The following PHLDB2 variants were observed in gnomAD, a reference collection of about 807,000 sequenced individuals.
PHLDB2 encodes the protein pleckstrin homology-like domain family B member 2.
Under a neutral mutation model 123.6 loss-of-function variants are expected in PHLDB2, and 71 were observed. The ratio of observed to expected loss-of-function variants is 0.57; its 90% confidence interval spans 0.47 to 0.70. The LOEUF is 0.70. PHLDB2 is among the 30% of genes least tolerant of loss of function. The probability of loss-of-function intolerance (pLI) is 0.00; values close to 1 mark genes in which losing one functional copy is unlikely to be tolerated. For synonymous variants in PHLDB2, 547 were observed against 541.6 expected (o/e 1.01, Z -0.14); for missense variants, 1,446 against 1,519.5 (o/e 0.95, Z 0.80).
intron 14 of PHLDB2, 56 bp downstream of exon 14, chr3:111,966,759 C>T (rs1577219720): frequency 1.1e-5 from 16 of 1,411,002 alleles, no homozygotes; most frequent in South Asian, 4.8e-5. Flanking sequence ...AGGAGCCCTG[C>T]GCTTGGCATC....
At chr3:111,935,262 G>A (rs900528427) in intron 6 of PHLDB2, among the ~76,000 whole-genome samples, 16 of 151,620 alleles carry the variant, frequency 1.1e-4, no homozygotes, top group South Asian at 2.1e-4. Flanking sequence ...ACCATGCCTG[G>A]CTCATTTTTC....
At position 111,743,046 on chromosome 3, in the gene PHLDB2, A is replaced by G. The variant is rs558830546; in HGVS notation, c.-49+10343A>G. Among the ~76,000 whole-genome samples the G allele has an allele frequency of 1.5e-4, 23 of 152,338 alleles. 1 individual carries two copies. Among genetic ancestry groups the G allele is most frequent in the African/African-American group, 4.6e-4 (19 of 41,586 alleles). The stretch of plus-strand genomic sequence containing the variant: ...AAAAGTTTCAGACGGGTGCTCCCCA[A>G]CTACCAAAGGAGTTGGGGTCCAAGT... On this transcript the variant is annotated intron_variant, in intron 1 of 17. Transcript: ENST00000393923.
In PHLDB2 at chr3:111,953,957, A is replaced by G; in HGVS notation, c.2800A>G (p.Ser934Gly). 6.2e-7 allele frequency: 1 copy of G among 1,613,662 alleles called. No individual in the cohort carries two copies. The highest frequency in any genetic ancestry group is 1.7e-5 in the Admixed American group (1 of 59,958). ...CCATCTGCCCCTAGGACAGAGTAAC[A>G]GCTGTGGAAGTGTGCTCCCTCCCTC... ...KAHLPLGQSNSCGSVLPPSLA... is the reference protein window; with the variant it reads ...KAHLPLGQSNGCGSVLPPSLA... The change falls in exon 12 of 18, where the codon AGC becomes GGC. Residue 934 changes from serine (S) to glycine (G), a missense_variant. Around this residue, in one of 3 missense-constraint regions of PHLDB2, gnomAD observed 594 missense variants for 646.0 expected, o/e 0.92. Coordinates refer to ENST00000431670, the MANE Select transcript of PHLDB2 (RefSeq NM_001134438.2).
At chr3:111,955,632 T>G (rs1351378202) in intron 12 of PHLDB2, among the ~76,000 whole-genome samples, 2 of 152,090 alleles carry the variant, frequency 1.3e-5, no homozygotes, top group African/African-American at 4.8e-5. Context: ...TTGTATTTTT[T>G]GGCAGAGATG....
rs755416458 is a variant in PHLDB2, at chr3:111,884,874, A to G, written c.797A>G (p.Gln266Arg). Residue 266 changes from glutamine to arginine, a missense_variant, in exon 2 of 18, where the codon CAG becomes CGG. Around this residue, in one of 3 missense-constraint regions of PHLDB2, gnomAD observed 832 missense variants for 831.9 expected, o/e 1.00. Transcript: ENST00000431670. ...LPRLYRATEN[Q>R]LTPLSLPPRN... ...AGGTTGTACAGAGCCACAGAGAACC[A>G]GCTGACACCTCTCAGCTTGCCTCCA... The G allele has an allele frequency of 6.2e-7, 1 of 1,614,210 alleles. No homozygotes were observed. Among genetic ancestry groups the G allele is most frequent in the Non-Finnish European group, 8.5e-7 (1 of 1,180,024 alleles).
chr3:111,920,923 T>G (rs973951858), intron 5 of PHLDB2, among the ~76,000 whole-genome samples: 4 of 152,246 alleles, frequency 2.6e-5, no homozygotes, highest in African/African-American at 9.6e-5. Context: ...TCAATGCAAG[T>G]GCACTGCTTT....
chr3:111,817,063 G>A (rs1473429801), intron 1 of PHLDB2, among the ~76,000 whole-genome samples: 2 of 152,128 alleles, frequency 1.3e-5, no homozygotes, highest in Non-Finnish European at 2.9e-5. Context: ...CCATGATTGT[G>A]AGGCCTCCCC....
intron 16 of PHLDB2, among the ~76,000 whole-genome samples, chr3:111,971,303 G>A (rs1433536317): frequency 1.3e-5 from 2 of 152,028 alleles, no homozygotes; most frequent in Non-Finnish European, 2.9e-5. Flanking sequence ...TGTTCTCTGT[G>A]AGCCTTATTT....
rs1370781683 is a variant in PHLDB2 at position 111,939,499 on chromosome 3, A to G, written c.2155A>G (p.Ser719Gly). 1 of 1,612,800 alleles carries G rather than the reference A, an allele frequency of 6.2e-7. No homozygotes were observed. The highest frequency in any genetic ancestry group is 8.5e-7 in the Non-Finnish European group (1 of 1,179,598). The change falls in exon 7 of 18, where the codon AGC becomes GGC. Residue 719 changes from serine (S) to glycine (G), a missense_variant. Ser to Gly is a moderately conservative substitution (Grantham distance 56, BLOSUM62 0). Transcript: ENST00000431670. ...KRDADLLDVE[S>G]KHFEDLEFQQ... ...GGATGCTGACCTGTTGGATGTTGAAAGCAAACACTTTGAAGACCTGGAGTT... is the reference window on the plus strand; with the variant it reads ...GGATGCTGACCTGTTGGATGTTGAAGGCAAACACTTTGAAGACCTGGAGTT...
chr3:111,953,058 A>C (rs1042027002), intron 11 of PHLDB2, among the ~76,000 whole-genome samples: 1 of 152,226 alleles, frequency 6.6e-6, no homozygotes, highest in African/African-American at 2.4e-5. Context: ...ATATTTATTC[A>C]GACATTTTCA....
chr3:111,819,656 G>T (rs11917956), intron 1 of PHLDB2, among the ~76,000 whole-genome samples: 7,004 of 152,250 alleles, frequency 0.046, 230 homozygotes, highest in Admixed American at 0.083. Context: ...AATATCATGA[G>T]TACATTCTCT....
chr3:111,967,909 CT>C, intron 15 of PHLDB2, 85 bp downstream of exon 15: 1 of 1,212,554 alleles, frequency 8.2e-7, no homozygotes, highest in Non-Finnish European at 1.1e-6. Context: ...TCTGAGGATG[CT>C]TTCCTGGGCA....
chr3:111,882,623 G>A (rs1020089928), intron 1 of PHLDB2, among the ~76,000 whole-genome samples: 1 of 152,190 alleles, frequency 6.6e-6, no homozygotes, highest in African/African-American at 2.4e-5. Flanking sequence ...AGGGCTTTGG[G>A]TTAGAGGAGA....
intron 1 of PHLDB2, among the ~76,000 whole-genome samples, chr3:111,769,607 G>T (rs2060140076): frequency 6.6e-6 from 1 of 152,206 alleles, no homozygotes; most frequent in African/African-American, 2.4e-5. Flanking sequence ...TTCAACCTAA[G>T]GGAAGAGTGA....
chr3:111,741,774 A>G (rs778552424), intron 1 of PHLDB2, among the ~76,000 whole-genome samples: 3 of 152,222 alleles, frequency 2.0e-5, no homozygotes, highest in Non-Finnish European at 4.4e-5. Context: ...AAATTGCCAC[A>G]ACACATTTTA....
chr3:111,897,857 C>G (rs986874696), intron 2 of PHLDB2, among the ~76,000 whole-genome samples: 3 of 152,072 alleles, frequency 2.0e-5, no homozygotes, highest in African/African-American at 7.2e-5. Context: ...GGGTTTGGTT[C>G]CAGACCACCG....
chr3:111,789,412 T>C (rs1202649958), intron 1 of PHLDB2, among the ~76,000 whole-genome samples: 1 of 152,184 alleles, frequency 6.6e-6, no homozygotes, highest in Non-Finnish European at 1.5e-5. Context: ...CCAGTCAGGA[T>C]TATTTTAGAG....
At chr3:111,813,167 T>C (rs1286082834) in intron 1 of PHLDB2, among the ~76,000 whole-genome samples, 1 of 152,196 alleles carries the variant, frequency 6.6e-6, no homozygotes, top group Non-Finnish European at 1.5e-5. Context: ...GGGCAGATGT[T>C]AGTAAAAGGA....
At chr3:111,954,112 G>T (rs2070881859) in intron 12 of PHLDB2, 83 bp downstream of exon 12, 1 of 1,278,008 alleles carries the variant, frequency 7.8e-7, no homozygotes, top group Non-Finnish European at 1.1e-6. Context: ...ACAGGGGTAG[G>T]GATGATTAGA....
Sources: allele counts gnomAD v4.1 joint callset (sites outside exome capture counted in the v4.1 genomes callset), GRCh38; gene constraint gnomAD v4.1.1; regional missense constraint gnomAD v4.1.1; transcripts MANE v1.5; gene names NCBI Gene and HGNC (gene_info 2026-07-23, HGNC 2026-07-21).